FAF2: variants seen among roughly 807,000 people sequenced by gnomAD.
FAF2 encodes FAS-associated factor 2.
In FAF2, 9 loss-of-function variants were observed where a neutral mutation model predicts 62.3. The observed-to-expected ratio is 0.14, with a 90% CI of 0.09 to 0.25. The LOEUF is 0.25. Ranked by LOEUF, FAF2 falls within the 10% of genes least tolerant of loss-of-function variation. FAF2 has a pLI of 1.00. For synonymous variants in FAF2, 202 were observed against 198.0 expected, an observed-to-expected ratio of 1.02 and a Z score of -0.17; for missense variants, 368 against 556.2, an observed-to-expected ratio of 0.66 and a Z score of 3.40.
In FAF2 at chr5:176,479,170, T is replaced by G. The variant is rs1377798229; in HGVS notation, c.64-18T>G. The G allele has an allele frequency of 6.2e-7, 1 of 1,612,396 alleles. No homozygotes were observed. Among genetic ancestry groups the G allele is most frequent in the South Asian group, 1.1e-5 (1 of 91,048 alleles). On this transcript the variant is annotated intron_variant, in intron 1 of 10. Transcript: ENST00000261942. ...GTTGGTTTTTCTCTAAGTAACTTGTTTTCATCCTTCTTTTCAGGATCTCAC... is the reference window on the plus strand; with the variant it reads ...GTTGGTTTTTCTCTAAGTAACTTGTGTTCATCCTTCTTTTCAGGATCTCAC...
At chr5:176,470,516 G>A (rs1561818963) in intron 1 of FAF2, among the ~76,000 whole-genome samples, 1 of 152,282 alleles carries the variant, frequency 6.6e-6, no homozygotes, top group Admixed American at 6.5e-5. Context: ...GGTGGAGGTT[G>A]TGGTGAGCCA....
intron 1 of FAF2, chr5:176,453,039 A>G (rs1029345799): frequency 5.3e-5 from 8 of 152,178 alleles, no homozygotes; most frequent in Non-Finnish European, 1.0e-4. Flanking sequence ...ATTTGGTTAG[A>G]ACTCCCCAAG....
At chr5:176,480,801 G>C (rs1395347797) in intron 2 of FAF2, among the ~76,000 whole-genome samples, 1 of 150,366 alleles carries the variant, frequency 6.7e-6, no homozygotes, top group African/African-American at 2.4e-5. Context: ...GGCCTCTCGG[G>C]GGGTGGGGGG....
intron 1 of FAF2, among the ~76,000 whole-genome samples, chr5:176,468,146 CAA>C (rs1758504967): frequency 6.6e-6 from 1 of 152,076 alleles, no homozygotes; most frequent in Admixed American, 6.5e-5. Context: ...GCCTGGACGA[CAA>C]GAGTGAGAAT....
Position 176,508,643 on chromosome 5 carries a change from T to C in FAF2, c.*1693T>C, listed in dbSNP as rs1755727007. The C allele has an allele frequency of 6.6e-6, 1 of 152,180 alleles. No homozygotes were observed. Among genetic ancestry groups the C allele is most frequent in the African/African-American group, 2.4e-5 (1 of 41,444 alleles). The allele number at this position is 152,180 out of a possible 1,614,324, so 9.4% of individuals were successfully genotyped here. A position where few individuals can be genotyped will look rare whatever the true frequency, so the allele number is the denominator to read the frequency against. ...TCTAGAACACCATCTCTAGGAAAAT[T>C]TAATTCTGTCCCTGGCCAGCTATTG... On this transcript the variant is annotated 3_prime_UTR_variant, in exon 11 of 11. Coordinates refer to ENST00000261942, the MANE Select transcript of FAF2 (RefSeq NM_014613.3).
chr5:176,482,026 T>C (rs564377705), intron 2 of FAF2, among the ~76,000 whole-genome samples: 8 of 152,302 alleles, frequency 5.3e-5, no homozygotes, highest in Admixed American at 5.2e-4. Flanking sequence ...CACTTGTTAA[T>C]ATTTGTCTTC....
At chr5:176,468,457 G>A (rs1758508972) in intron 1 of FAF2, among the ~76,000 whole-genome samples, 2 of 151,710 alleles carry the variant, frequency 1.3e-5, no homozygotes, top group East Asian at 2.0e-4. Context: ...GGTCGTGGGC[G>A]CCTGCAGTCC....
At chr5:176,454,771 C>T (rs1758252461) in intron 1 of FAF2, among the ~76,000 whole-genome samples, 1 of 152,014 alleles carries the variant, frequency 6.6e-6, no homozygotes, top group African/African-American at 2.4e-5. Flanking sequence ...CTCTCTTAAC[C>T]TTAACCTTCA....
At chr5:176,455,907 CAT>C (rs1319588756) in intron 1 of FAF2, among the ~76,000 whole-genome samples, 4 of 148,446 alleles carry the variant, frequency 2.7e-5, no homozygotes, top group Non-Finnish European at 5.9e-5. Flanking sequence ...AAAATGAAAA[CAT>C]GTAAAATGTT....
At chr5:176,468,661 A>G (rs916552819) in intron 1 of FAF2, among the ~76,000 whole-genome samples, 4 of 151,988 alleles carry the variant, frequency 2.6e-5, no homozygotes, top group African/African-American at 9.7e-5. Flanking sequence ...AGCTGGGCAC[A>G]TTGGTTCACA....
chr5:176,468,815 G>T (rs138408010), intron 1 of FAF2, among the ~76,000 whole-genome samples: 1 of 151,760 alleles, frequency 6.6e-6, no homozygotes, highest in African/African-American at 2.4e-5. Flanking sequence ...ATGGTGGTAC[G>T]TGCCTGTAGT....
intron 10 of FAF2, among the ~76,000 whole-genome samples, chr5:176,504,637 G>A (rs1755647373): frequency 6.6e-6 from 1 of 152,042 alleles, no homozygotes; most frequent in Admixed American, 6.6e-5. Context: ...AGAATACTTG[G>A]TGTAAGTCTA....
intron 1 of FAF2, among the ~76,000 whole-genome samples, chr5:176,455,481 G>T (rs957827522): frequency 2.0e-5 from 3 of 148,360 alleles, no homozygotes; most frequent in East Asian, 2.0e-4. Context: ...CAGGCACAGT[G>T]GTGCACGCCT....
chr5:176,489,511 C>T (rs1234643494), intron 4 of FAF2, among the ~76,000 whole-genome samples: 2 of 152,092 alleles, frequency 1.3e-5, no homozygotes, highest in Admixed American at 6.6e-5. Context: ...TCCCTAGACA[C>T]TCCTGTTACA....
Position 176,451,875 on chromosome 5 carries a change from CAT to C in FAF2, c.63+3422_63+3423del, listed in dbSNP as rs1220261982. Among the ~76,000 whole-genome samples, 31 of 24,104 alleles carry C rather than the reference CAT, an allele frequency of 1.3e-3. 2 individuals are homozygous for C. Among genetic ancestry groups the C allele is most frequent in the East Asian group, 2.5e-3 (2 of 806 alleles). 15.8% of individuals were successfully genotyped at this position (24,104 alleles called of 152,430 possible). ...ATATATACACATATATATATACACA[CAT>C]ATATATATATATATATTTTTTTTTT... is the stretch of plus-strand genomic sequence containing the variant. On this transcript the variant is annotated intron_variant, in intron 1 of 10. Coordinates refer to ENST00000261942, the MANE Select transcript of FAF2 (RefSeq NM_014613.3).
At chr5:176,479,990 C>T (rs755387764) in intron 2 of FAF2, among the ~76,000 whole-genome samples, 12 of 152,288 alleles carry the variant, frequency 7.9e-5, no homozygotes, top group Middle Eastern at 3.4e-3. Flanking sequence ...CCACCGCGCC[C>T]GGCCATGCCT....
intron 10 of FAF2, among the ~76,000 whole-genome samples, chr5:176,505,227 ATTG>A (rs1755655606): frequency 6.6e-6 from 1 of 152,210 alleles, no homozygotes; most frequent in African/African-American, 2.4e-5. Context: ...GGTTGGCAGA[ATTG>A]TTGTTAGAAG....
chr5:176,467,241 G>A (rs1480385139), intron 1 of FAF2, among the ~76,000 whole-genome samples: 4 of 151,646 alleles, frequency 2.6e-5, no homozygotes, highest in African/African-American at 7.3e-5. Flanking sequence ...AGAGAGAGAA[G>A]GGGGTGCCAT....
chr5:176,460,295 T>C (rs1255694029), intron 1 of FAF2, among the ~76,000 whole-genome samples: 1 of 152,158 alleles, frequency 6.6e-6, no homozygotes, highest in Non-Finnish European at 1.5e-5. Context: ...TTTTCTTAAG[T>C]TCTTTGAGAA....
Sources: gnomAD v4.1 joint callset for allele counts (sites outside exome capture counted in the v4.1 genomes callset) on GRCh38, gnomAD v4.1.1 for gene constraint, MANE v1.5 for transcripts, NCBI Gene and HGNC (gene_info 2026-07-23, HGNC 2026-07-21) for gene names.